Variants in HEBP1 observed in about 807,000 individuals in gnomAD.
HEBP1 encodes the protein heme binding protein 1, also known as heme-binding protein 1.
Under a neutral mutation model 20.4 loss-of-function variants are expected in HEBP1, and 13 were observed. The observed-to-expected ratio is 0.64, with a 90% confidence interval of 0.42 to 1.01. HEBP1 has a LOEUF of 1.01. Among genes scored for constraint, HEBP1 ranks in the 50% least tolerant of loss-of-function variants. HEBP1 has a pLI of 0.00. For synonymous variants in HEBP1, 92 were observed against 90.7 expected (o/e 1.01, Z -0.08); for missense variants, 241 against 247.3 (o/e 0.97, Z 0.17).
At chr12:12,992,802 T>C (rs533291242) in intron 1 of HEBP1, among the ~76,000 whole-genome samples, 1 of 152,340 alleles carries the variant, frequency 6.6e-6, no homozygotes, top group Admixed American at 6.5e-5. Flanking sequence ...TTGGCACTTG[T>C]AATGTTTTAA....
At chr12:12,976,294 T>C (rs1296022197) in intron 3 of HEBP1, among the ~76,000 whole-genome samples, 1 of 152,204 alleles carries the variant, frequency 6.6e-6, no homozygotes, top group Non-Finnish European at 1.5e-5. Flanking sequence ...TTCCTAAATC[T>C]GGTATTTCTT....
At chr12:12,981,478 T>C (rs1172968332) in intron 3 of HEBP1, among the ~76,000 whole-genome samples, 6 of 152,102 alleles carry the variant, frequency 3.9e-5, no homozygotes, top group African/African-American at 1.4e-4. Context: ...GAGAAAATGG[T>C]GATTAATTAG....
intron 1 of HEBP1, among the ~76,000 whole-genome samples, chr12:12,999,490 C>G (rs1864328529): frequency 6.6e-6 from 1 of 152,206 alleles, no homozygotes; most frequent in African/African-American, 2.4e-5. Flanking sequence ...AAGGGGCATT[C>G]CGGTCCCAGG....
At position 12,999,950 on chromosome 12, in the gene HEBP1, C is replaced by A. The variant is rs949520178; in HGVS notation, c.78+87G>T. On this transcript the variant is annotated intron_variant, in intron 1 of 3. Transcript: ENST00000014930. ...CTTCGATAGCACATTCCTGCCCCAC[C>A]TGCCCCTCAGCACCCGCTGCAGCCC... The A allele has an allele frequency of 9.7e-6, 8 of 824,388 alleles. No homozygotes were observed. In the African/African-American group the frequency reaches 1.4e-4, roughly 14 times the overall value. 51.1% of individuals were successfully genotyped at this position (824,388 alleles called of 1,614,324 possible). A position where few individuals can be genotyped will look rare whatever the true frequency, so the allele number is the denominator to read the frequency against.
In HEBP1 at chr12:12,975,373, T is replaced by C. The variant is rs150183348; in HGVS notation, c.505A>G (p.Thr169Ala). The C allele has an allele frequency of 6.2e-7, 1 of 1,614,072 alleles. No homozygotes were observed. Among genetic ancestry groups the C allele is most frequent in the African/African-American group, 1.3e-5 (1 of 75,052 alleles). ...ATYRGDIYFC[T>A]GYDPPMKPYG... ...GGCTTCATGGGAGGGTCATAACCCGTGCAGAAGTAGATGTCCCCCCGGTAG... is the reference window on the plus strand; with the variant it reads ...GGCTTCATGGGAGGGTCATAACCCGCGCAGAAGTAGATGTCCCCCCGGTAG... Residue 169 changes from threonine to alanine, a missense_variant, in exon 4 of 4, where the codon ACG becomes GCG. Physicochemically the swap from Thr to Ala is moderately conservative, Grantham distance 58 (BLOSUM62 0). Coordinates refer to ENST00000014930, the MANE Select transcript of HEBP1 (RefSeq NM_015987.5).
rs1864148565 is a variant in HEBP1 at position 12,986,064 on chromosome 12, C to T, written c.398+1088G>A. 6.6e-6 allele frequency: 1 copy of T among 152,180 alleles called. No homozygotes were observed. The highest frequency in any genetic ancestry group is 6.5e-5 in the Admixed American group (1 of 15,276). 9.4% of individuals were successfully genotyped at this position (152,180 alleles called of 1,614,324 possible). On this transcript the variant is annotated intron_variant, in intron 3 of 3. Transcript: ENST00000014930. This position sits in a 1 kb window ranked among gnomAD's most constrained non-coding sequence, Gnocchi z 4.3. ...TGCTGCACCCAAGGTGCATCTCCAC[C>T]CTAGGAAAAGATATTGTTAAGTTAA...
chr12:12,993,396 C>T (rs192380871), intron 1 of HEBP1, among the ~76,000 whole-genome samples: 153 of 151,278 alleles, frequency 1.0e-3, no homozygotes, highest in African/African-American at 2.8e-3. Flanking sequence ...GGTTTCACCA[C>T]GTTGCCCAAG....
intron 1 of HEBP1, among the ~76,000 whole-genome samples, chr12:12,999,070 G>C (rs1225682725): frequency 6.6e-6 from 1 of 152,170 alleles, no homozygotes; most frequent in Non-Finnish European, 1.5e-5. Context: ...ATAGCCCCCT[G>C]GCAGAATTGA....
Position 12,975,280 on chromosome 12 carries a change from C to T in HEBP1, c.*28G>A, listed in dbSNP as rs1375862138. On this transcript the variant is annotated 3_prime_UTR_variant, in exon 4 of 4. Coordinates refer to ENST00000014930, the MANE Select transcript of HEBP1 (RefSeq NM_015987.5). ...AGGAAGGAGACACAGAGGCACACTT[C>T]CAGTAAGTTCTTGGTTCAGTGGGTC... is the stretch of plus-strand genomic sequence containing the variant. 1.2e-6 allele frequency: 2 copies of T among 1,609,618 alleles called. No individual in the cohort carries two copies. Among genetic ancestry groups the T allele is most frequent in the South Asian group, 2.2e-5 (2 of 90,804 alleles).
chr12:12,997,984 T>C (rs1864312067), intron 1 of HEBP1, among the ~76,000 whole-genome samples: 1 of 152,174 alleles, frequency 6.6e-6, no homozygotes, highest in Non-Finnish European at 1.5e-5. Flanking sequence ...TAGACAGCTC[T>C]CTGTGTTGGC....
chr12:12,987,612 T>TCTCTCTCTCTTTCTC (rs1230851526), intron 2 of HEBP1, among the ~76,000 whole-genome samples: 29 of 117,838 alleles, frequency 2.5e-4, no homozygotes, highest in Non-Finnish European at 4.0e-4. Context: ...CTCTCTCTCT[T>TCTCTCTCTCTTTCTC]TCTCTCTCTC....
chr12:12,989,252 A>G (rs1467025374), intron 2 of HEBP1, 25 bp downstream of exon 2: 1 of 1,612,720 alleles, frequency 6.2e-7, no homozygotes, highest in Non-Finnish European at 8.5e-7. Flanking sequence ...CCGAGACCAG[A>G]GCCACATCCT....
intron 1 of HEBP1, among the ~76,000 whole-genome samples, 200 bp from the exon 2 acceptor site, chr12:12,989,615 T>C (rs1382232041): frequency 6.6e-6 from 1 of 152,172 alleles, no homozygotes; most frequent in Non-Finnish European, 1.5e-5. Context: ...GAAAATCTTA[T>C]ACATTATATT....
intron 1 of HEBP1, among the ~76,000 whole-genome samples, chr12:12,990,991 C>T (rs2136548094): frequency 6.6e-6 from 1 of 152,242 alleles, no homozygotes; most frequent in African/African-American, 2.4e-5. Context: ...GACCAATCAG[C>T]ACTCCCCACT....
At chr12:12,984,984 T>C (rs60026921) in intron 3 of HEBP1, among the ~76,000 whole-genome samples, 4,448 of 152,110 alleles carry the variant, frequency 0.029, 224 homozygotes, top group African/African-American at 0.1. Flanking sequence ...ACCCTGTCTC[T>C]ACTAAAAAAC....
Position 12,986,740 on chromosome 12 carries a change from G to A in HEBP1, c.398+412C>T. On this transcript the variant is annotated intron_variant, in intron 3 of 3. Coordinates refer to ENST00000014930, the MANE Select transcript of HEBP1 (RefSeq NM_015987.5). The surrounding 1 kb of genome is among the most constrained non-coding windows in gnomAD (Gnocchi z 4.3). ...GGATGGAAGCCCAGCTCTAGCAAAT[G>A]CTCCCTGCTCTCTGGCATTCAAAGG... 1 of 159,208 alleles carries A rather than the reference G, an allele frequency of 6.3e-6. No homozygotes were observed. Among genetic ancestry groups the A allele is most frequent in the Non-Finnish European group, 1.4e-5 (1 of 72,622 alleles). 9.9% of individuals were successfully genotyped at this position (159,208 alleles called of 1,614,324 possible).
chr12:12,975,464 A>G lies in HEBP1; in HGVS notation c.414T>C (p.Tyr138=), dbSNP rs201513628. ...GTGCTACGTAGTCTGCTTCCTTGGC[A>G]TAACCACCAAACTGCCTGGGGGTTC... ...ITVYSMQFGG[Y]AKEADYVAQA... The change falls in exon 4 of 4, where the codon TAT becomes TAC. Residue 138 remains tyrosine, a synonymous_variant. Transcript: ENST00000014930. The G allele has an allele frequency of 1.2e-6, 2 of 1,608,552 alleles. No homozygotes were observed. Among genetic ancestry groups the G allele is most frequent in the Non-Finnish European group, 1.7e-6 (2 of 1,177,820 alleles).
chr12:12,999,444 G>A (rs892445056), intron 1 of HEBP1, among the ~76,000 whole-genome samples: 1 of 152,236 alleles, frequency 6.6e-6, no homozygotes, highest in African/African-American at 2.4e-5. Flanking sequence ...AAGTGACTAA[G>A]GGCGGCTACT....
rs1461331474 is a variant in HEBP1 at position 13,000,240 on chromosome 12, G to GGGCGGCAA, written c.-134_-127dup. 18 of 371,484 alleles carry GGGCGGCAA rather than the reference G, an allele frequency of 4.8e-5. 1 individual carries two copies. Among genetic ancestry groups the GGGCGGCAA allele is most frequent in the Non-Finnish European group, 7.6e-5 (16 of 209,640 alleles). 23.0% of individuals were successfully genotyped at this position (371,484 alleles called of 1,614,324 possible). A position where few individuals can be genotyped will look rare whatever the true frequency, so the allele number is the denominator to read the frequency against. Reference sequence around the variant, plus strand: ...AGGGCGGCAGGGCGGCAGGGTGGCAGGGCGGCAAGGCGGCGGGACGGCGAG... The same window carrying GGGCGGCAA: ...AGGGCGGCAGGGCGGCAGGGTGGCAGGGCGGCAAGGCGGCAAGGCGGCGGGACGGCGAG... On this transcript the variant is annotated 5_prime_UTR_variant, in exon 1 of 4. Coordinates refer to ENST00000014930, the MANE Select transcript of HEBP1 (RefSeq NM_015987.5).
Sources: gnomAD v4.1 joint callset for allele counts (sites outside exome capture counted in the v4.1 genomes callset) on GRCh38, gnomAD v4.1.1 for gene constraint, Gnocchi (gnomAD v3.1) non-coding constraint, MANE v1.5 for transcripts, NCBI Gene and HGNC (gene_info 2026-07-23, HGNC 2026-07-21) for gene names.